NRXN3: variants seen among roughly 807,000 people sequenced by gnomAD.
NRXN3 encodes neurexin 3.
Under a neutral mutation model 137.6 loss-of-function variants are expected in NRXN3, and 32 were observed. The observed-to-expected ratio is 0.23, with a 90% confidence interval of 0.18 to 0.31. The LOEUF is 0.31. NRXN3 is among the 10% of genes least tolerant of loss of function. The pLI, the probability that NRXN3 is intolerant of heterozygous loss-of-function variation, is 1.00. For synonymous variants in NRXN3, 798 were observed against 784.5 expected, an observed-to-expected ratio of 1.02 and a Z score of -0.29; for missense variants, 1,574 against 2,062.5, an observed-to-expected ratio of 0.76 and a Z score of 4.59.
chr14:78,195,050 T>G (rs1430504805), intron 1 of NRXN3, among the ~76,000 whole-genome samples: 1 of 152,116 alleles, frequency 6.6e-6, no homozygotes, highest in African/African-American at 2.4e-5. Context: ...AGGTTAATTA[T>G]GACTGTCCCC....
chr14:78,418,020 G>C (rs1190451053), intron 4 of NRXN3, among the ~76,000 whole-genome samples: 1 of 152,184 alleles, frequency 6.6e-6, no homozygotes, highest in Non-Finnish European at 1.5e-5. Flanking sequence ...GCCTCCCAAA[G>C]TGCTGGGATT....
At chr14:79,069,708 C>T (rs1210691035) in intron 15 of NRXN3, among the ~76,000 whole-genome samples, 2 of 151,950 alleles carry the variant, frequency 1.3e-5, no homozygotes, top group African/African-American at 4.8e-5. Flanking sequence ...AAGATCTGGC[C>T]CTGGTGATTA....
intron 10 of NRXN3, among the ~76,000 whole-genome samples, chr14:78,905,315 C>T (rs1160230906): frequency 1.3e-5 from 2 of 152,042 alleles, no homozygotes; most frequent in Non-Finnish European, 2.9e-5. Context: ...CGCCATTCAC[C>T]CTGGTCCTAA....
chr14:78,431,641 A>G (rs947763051), intron 4 of NRXN3, among the ~76,000 whole-genome samples: 3 of 152,096 alleles, frequency 2.0e-5, no homozygotes, highest in African/African-American at 7.2e-5. Context: ...TATGATAGGT[A>G]GGAGGGAGCA....
At chr14:79,021,952 A>G (rs978992085) in intron 15 of NRXN3, among the ~76,000 whole-genome samples, 6 of 152,154 alleles carry the variant, frequency 3.9e-5, no homozygotes, top group African/African-American at 1.4e-4. Context: ...TAAACTCACA[A>G]CAATCCCAGT....
intron 16 of NRXN3, among the ~76,000 whole-genome samples, chr14:79,524,775 A>T (rs1428891368): frequency 1.3e-5 from 2 of 152,218 alleles, no homozygotes; most frequent in Non-Finnish European, 2.9e-5. Flanking sequence ...GAGCCTTCAA[A>T]ATGAAGACCC....
intron 3 of NRXN3, among the ~76,000 whole-genome samples, chr14:78,294,570 A>G (rs1038904216): frequency 6.6e-6 from 1 of 151,564 alleles, no homozygotes; most frequent in Non-Finnish European, 1.5e-5. Flanking sequence ...AAAAAAAAAA[A>G]AAAAAAAAAG....
At chr14:79,631,517 C>T (rs554692199) in intron 16 of NRXN3, among the ~76,000 whole-genome samples, 10 of 152,288 alleles carry the variant, frequency 6.6e-5, no homozygotes, top group South Asian at 2.1e-4. Flanking sequence ...GTTCGGGCTC[C>T]GTGGCCCCGC....
intron 15 of NRXN3, among the ~76,000 whole-genome samples, chr14:79,038,154 A>G (rs1441002818): frequency 1.3e-5 from 2 of 152,132 alleles, no homozygotes; most frequent in Non-Finnish European, 2.9e-5. Context: ...TTGAATGTCC[A>G]TTGAATACAG....
chr14:78,760,787 T>G (rs532302703), intron 8 of NRXN3, among the ~76,000 whole-genome samples: 1 of 152,206 alleles, frequency 6.6e-6, no homozygotes, highest in South Asian at 2.1e-4. Flanking sequence ...TCCATATTTC[T>G]TCTCATGAGC....
chr14:79,088,415 C>G (rs1051465215), intron 15 of NRXN3, among the ~76,000 whole-genome samples: 1 of 149,664 alleles, frequency 6.7e-6, no homozygotes, highest in Non-Finnish European at 1.5e-5. Context: ...AAACTTAGCC[C>G]AGACAGAAAA....
chr14:79,230,221 C>T (rs1055105859), intron 15 of NRXN3, among the ~76,000 whole-genome samples: 2 of 151,844 alleles, frequency 1.3e-5, no homozygotes, highest in East Asian at 1.9e-4. Context: ...TCTTGGGTAA[C>T]GGTTTTGAAG....
chr14:78,746,037 C>A (rs2098605680), intron 8 of NRXN3, among the ~76,000 whole-genome samples: 1 of 152,138 alleles, frequency 6.6e-6, no homozygotes, highest in Non-Finnish European at 1.5e-5. Context: ...TTAATTTATT[C>A]TTACTTACAT....
intron 4 of NRXN3, among the ~76,000 whole-genome samples, chr14:78,591,164 G>T (rs958832508): frequency 6.6e-6 from 1 of 152,194 alleles, no homozygotes; most frequent in African/African-American, 2.4e-5. Context: ...TTCTGAGCAG[G>T]ATGGCCTGTG....
chr14:78,682,636 T>C (rs894581392), intron 6 of NRXN3, among the ~76,000 whole-genome samples: 2 of 152,034 alleles, frequency 1.3e-5, no homozygotes, highest in Admixed American at 6.5e-5. Flanking sequence ...TGCTTACTTG[T>C]AGGAACTAAT....
In NRXN3 at chr14:79,045,795, G is replaced by A. The variant is rs541775420; in HGVS notation, c.3262+57654G>A. Among the ~76,000 whole-genome samples, 11 of 152,180 alleles carry A rather than the reference G, an allele frequency of 7.2e-5. 1 individual carries two copies. The South Asian group carries it at 1.5e-3, about 20-fold the overall frequency. On this transcript the variant is annotated intron_variant, in intron 15 of 20. Coordinates refer to ENST00000335750, the MANE Select transcript of NRXN3 (RefSeq NM_001330195.2). ...TTGCCGCTTGGTGTGTATATTATTC[G>A]CCAGTGATTGATAATGCCTCGGGAC... is the stretch of plus-strand genomic sequence containing the variant.
intron 1 of NRXN3, among the ~76,000 whole-genome samples, chr14:78,229,707 C>T (rs1382455641): frequency 6.6e-6 from 1 of 152,214 alleles, no homozygotes; most frequent in Non-Finnish European, 1.5e-5. Context: ...TCGTTCTAAG[C>T]TCTGCAGGTC....
At chr14:79,547,975 G>T (rs1057490073) in intron 16 of NRXN3, among the ~76,000 whole-genome samples, 9 of 152,034 alleles carry the variant, frequency 5.9e-5, no homozygotes, top group African/African-American at 1.2e-4. Context: ...AGGAGAGGAA[G>T]TGTCAGTGGG....
At chr14:79,117,767 C>T (rs1445106232) in intron 15 of NRXN3, among the ~76,000 whole-genome samples, 1 of 152,186 alleles carries the variant, frequency 6.6e-6, no homozygotes, top group African/African-American at 2.4e-5. Flanking sequence ...CTGTCAGCCT[C>T]AGACAGATTG....
Sources: gnomAD v4.1 joint callset for allele counts (sites outside exome capture counted in the v4.1 genomes callset) on GRCh38, gnomAD v4.1.1 for gene constraint, MANE v1.5 for transcripts, NCBI Gene and HGNC (gene_info 2026-07-23, HGNC 2026-07-21) for gene names.